SRC: variants seen among roughly 807,000 people sequenced by gnomAD.
SRC encodes proto-oncogene tyrosine-protein kinase Src.
Under a neutral mutation model 62.9 loss-of-function variants are expected in SRC, and 13 were observed. The observed-to-expected ratio is 0.21, with a 90% CI of 0.13 to 0.33. The LOEUF is 0.33. Among genes scored for constraint, SRC ranks in the 10% least tolerant of loss-of-function variants. The pLI, the probability that SRC is intolerant of heterozygous loss-of-function variation, is 1.00. For missense variants in SRC, 457 were observed against 737.3 expected (o/e 0.62, Z 4.40); for synonymous variants, 302 against 317.5 (o/e 0.95, Z 0.52).
chr20:37,349,305 C>T (rs1020478659), intron 1 of SRC, among the ~76,000 whole-genome samples: 2 of 151,954 alleles, frequency 1.3e-5, no homozygotes, highest in Non-Finnish European at 2.9e-5. Context: ...GGATGAGAGC[C>T]GGGGGTGTGG....
Position 37,401,590 on chromosome 20 carries a change from C to T in SRC, c.1040-12C>T. 1 of 1,607,328 alleles carries T rather than the reference C, an allele frequency of 6.2e-7. No individual in the cohort carries two copies. Among genetic ancestry groups the T allele is most frequent in the South Asian group, 1.1e-5 (1 of 90,276 alleles). Reference sequence around the variant, plus strand: ...CAGGGCAGGAGCTGGAGCTGGGTCTCTCTCTGCCCAGGGAGTTTGCTGGAC... The same window carrying T: ...CAGGGCAGGAGCTGGAGCTGGGTCTTTCTCTGCCCAGGGAGTTTGCTGGAC... On this transcript the variant is annotated splice_polypyrimidine_tract_variant and intron_variant, in intron 10 of 13. Coordinates refer to ENST00000373578, the MANE Select transcript of SRC (RefSeq NM_198291.3).
chr20:37,352,552 C>T (rs989439161), intron 1 of SRC, among the ~76,000 whole-genome samples: 4 of 152,216 alleles, frequency 2.6e-5, no homozygotes, highest in African/African-American at 7.2e-5. Flanking sequence ...CCCAGTGCCC[C>T]GATGCCTCAC....
chr20:37,393,716 G>A, intron 5 of SRC, 179 bp from the exon 6 acceptor site: 1 of 577,754 alleles, frequency 1.7e-6, no homozygotes, highest in South Asian at 2.3e-5. Flanking sequence ...GCCAGGGAGG[G>A]GAGGAGTTCC....
chr20:37,346,647 C>T (rs886989759), intron 1 of SRC, among the ~76,000 whole-genome samples: 3 of 151,190 alleles, frequency 2.0e-5, no homozygotes, highest in Non-Finnish European at 3.0e-5. Flanking sequence ...GGCTGCCCGG[C>T]CCTGCGCCCC....
intron 5 of SRC, among the ~76,000 whole-genome samples, chr20:37,388,012 G>A (rs1426209868): frequency 6.6e-6 from 1 of 152,168 alleles, no homozygotes; most frequent in Admixed American, 6.5e-5. Context: ...CTGGCCCTCC[G>A]ACCCATGATC....
At chr20:37,371,193 C>T (rs973631952) in intron 2 of SRC, among the ~76,000 whole-genome samples, 2 of 152,068 alleles carry the variant, frequency 1.3e-5, no homozygotes, top group Admixed American at 6.5e-5. Flanking sequence ...TCACCATTTA[C>T]GTGTGGCCCA....
intron 5 of SRC, among the ~76,000 whole-genome samples, chr20:37,392,489 G>A (rs1054967447): frequency 6.6e-6 from 1 of 152,202 alleles, no homozygotes; most frequent in African/African-American, 2.4e-5. Flanking sequence ...GGGCCCTGGC[G>A]GTGGGTGGGG....
intron 4 of SRC, among the ~76,000 whole-genome samples, chr20:37,385,113 G>T (rs6124911): frequency 6.6e-6 from 1 of 152,164 alleles, no homozygotes. Flanking sequence ...CACATGCACA[G>T]GTGACCTCAC....
At position 37,397,443 on chromosome 20, in the gene SRC, C is replaced by T. The variant is rs896143007; in HGVS notation, c.704-256C>T. On this transcript the variant is annotated intron_variant, in intron 8 of 13. Coordinates refer to ENST00000373578, the MANE Select transcript of SRC (RefSeq NM_198291.3). The surrounding 1 kb of genome is among the most constrained non-coding windows in gnomAD (Gnocchi z 4.1). Reference sequence around the variant, plus strand: ...GGCAGGTTCCCTGGACATGTTCCCTCCCCGCAGGGTTCCTGGCACCCCCTA... The same window carrying T: ...GGCAGGTTCCCTGGACATGTTCCCTTCCCGCAGGGTTCCTGGCACCCCCTA... Among the ~76,000 whole-genome samples the T allele has an allele frequency of 6.6e-6, 1 of 152,214 alleles. No individual in the cohort carries two copies. The highest frequency in any genetic ancestry group is 2.4e-5 in the African/African-American group (1 of 41,438).
intron 7 of SRC, among the ~76,000 whole-genome samples, chr20:37,395,010 G>A (rs1238060239): frequency 6.6e-6 from 1 of 152,278 alleles, no homozygotes; most frequent in East Asian, 1.9e-4. Flanking sequence ...CCTAGGGAGC[G>A]TGTACTTGTG....
At chr20:37,346,786 C>T (rs1360711917) in intron 1 of SRC, among the ~76,000 whole-genome samples, 1 of 152,214 alleles carries the variant, frequency 6.6e-6, no homozygotes, top group Non-Finnish European at 1.5e-5. Flanking sequence ...TGCTGCCGGC[C>T]TGGAAGGGAC....
intron 9 of SRC, among the ~76,000 whole-genome samples, chr20:37,399,254 C>T (rs745723340): frequency 1.1e-4 from 17 of 152,116 alleles, no homozygotes; most frequent in Non-Finnish European, 1.6e-4. Flanking sequence ...TGGCAGGAGG[C>T]GGAGGTGAGA....
At chr20:37,391,249 C>T (rs979580655) in intron 5 of SRC, among the ~76,000 whole-genome samples, 5 of 152,206 alleles carry the variant, frequency 3.3e-5, no homozygotes, top group East Asian at 1.9e-4. Context: ...CCTCTGACCC[C>T]GCCCTGCAGC....
chr20:37,382,829 T>C (rs2070385676), intron 3 of SRC, 43 bp downstream of exon 3: 1 of 152,066 alleles, frequency 6.6e-6, no homozygotes, highest in Non-Finnish European at 1.5e-5. Context: ...GGTGGGGAGA[T>C]CCCAGCGAAT....
chr20:37,362,594 T>G (rs6018031), intron 1 of SRC, among the ~76,000 whole-genome samples: 15,419 of 152,040 alleles, frequency 0.1, 2,382 homozygotes, highest in African/African-American at 0.33. Context: ...CTCTGAGCCT[T>G]AGCCTCCTCA....
intron 2 of SRC, among the ~76,000 whole-genome samples, chr20:37,380,943 C>T (rs778182084): frequency 3.9e-5 from 6 of 151,980 alleles, no homozygotes; most frequent in South Asian, 2.1e-4. Context: ...GGCCTGGTAA[C>T]GTTCCGTGCC....
At position 37,396,114 on chromosome 20, in the gene SRC, G is replaced by C; in HGVS notation, c.554-48G>C. On this transcript the variant is annotated intron_variant, in intron 7 of 13. Coordinates refer to ENST00000373578, the MANE Select transcript of SRC (RefSeq NM_198291.3). This position sits in a 1 kb window ranked among gnomAD's most constrained non-coding sequence, Gnocchi z 6.1. ...AGAACGGTGTCCAGAGCAGCGGCCT[G>C]CGGGGGGAGAGGGCATGGCGGTCAC... 6.3e-7 allele frequency: 1 copy of C among 1,597,882 alleles called. No homozygotes were observed. Among genetic ancestry groups the C allele is most frequent in the Non-Finnish European group, 8.5e-7 (1 of 1,174,404 alleles).
intron 1 of SRC, among the ~76,000 whole-genome samples, chr20:37,357,997 C>T (rs2069908808): frequency 6.6e-6 from 1 of 152,116 alleles, no homozygotes; most frequent in South Asian, 2.1e-4. Context: ...CCTTGGAGGC[C>T]CCTGTGACGA....
chr20:37,393,657 G>A (rs2070589700), intron 5 of SRC: 2 of 537,072 alleles, frequency 3.7e-6, no homozygotes, highest in Non-Finnish European at 6.7e-6. Flanking sequence ...GTCCTGCCCT[G>A]GTCCAAGACA....
Sources: gnomAD v4.1 joint callset for allele counts (sites outside exome capture counted in the v4.1 genomes callset) on GRCh38, gnomAD v4.1.1 for gene constraint, Gnocchi (gnomAD v3.1) non-coding constraint, MANE v1.5 for transcripts, NCBI Gene and HGNC (gene_info 2026-07-23, HGNC 2026-07-21) for gene names.